LBH: variants seen among roughly 807,000 people sequenced by gnomAD.
LBH encodes the protein LBH regulator of Wnt signaling pathway, also known as protein LBH.
A neutral mutation model predicts 12.5 loss-of-function variants in LBH; 7 were observed. The observed-to-expected ratio is 0.56, with a 90% CI of 0.32 to 1.05. LBH has a LOEUF of 1.05. Ranked by LOEUF, LBH falls within the 50% of genes least tolerant of loss-of-function variation. LBH has a pLI of 0.04. For missense variants in LBH, 119 were observed against 138.9 expected (o/e 0.86, Z 0.72); for synonymous variants, 51 against 50.1 (o/e 1.02, Z -0.08).
chr2:30,242,047 T>A (rs1476374610), intron 2 of LBH, among the ~76,000 whole-genome samples: 1 of 152,174 alleles, frequency 6.6e-6, no homozygotes, highest in African/African-American at 2.4e-5. Flanking sequence ...ATTGTTGAAA[T>A]TTTTAGGTTA....
At chr2:30,250,254 T>C (rs1677955618) in intron 2 of LBH, among the ~76,000 whole-genome samples, 2 of 152,028 alleles carry the variant, frequency 1.3e-5, no homozygotes, top group Admixed American at 1.3e-4. Context: ...TGGTTATGTA[T>C]CTCAGGCTCG....
chr2:30,257,803 T>TTTTTTG lies in LBH; in HGVS notation c.*182_*183insTTTTTG. ...TTCTTTTCTTGCCTTTTTTTTTTTT[T>TTTTTTG]GAAATTTGCCGAGCAGTGGAGCCCT... On this transcript the variant is annotated 3_prime_UTR_variant, in exon 3 of 3. Coordinates refer to ENST00000395323, the MANE Select transcript of LBH (RefSeq NM_030915.4). 2.0e-6 allele frequency: 1 copy of TTTTTTG among 506,578 alleles called. No homozygotes were observed. Among genetic ancestry groups the TTTTTTG allele is most frequent in the Non-Finnish European group, 3.4e-6 (1 of 294,082 alleles). The allele number at this position is 506,578 out of a possible 1,614,324, so 31.4% of individuals were successfully genotyped here. A position where few individuals can be genotyped will look rare whatever the true frequency, so the allele number is the denominator to read the frequency against.
chr2:30,234,569 G>T, intron 2 of LBH, 62 bp downstream of exon 2: 1 of 1,285,938 alleles, frequency 7.8e-7, no homozygotes, highest in Non-Finnish European at 1.1e-6. Context: ...TGGGGGTGAG[G>T]ACAGACTTGG....
rs1024739582 is a variant in LBH, at chr2:30,258,543, G to C, written c.*922G>C. 1 of 153,066 alleles carries C rather than the reference G, an allele frequency of 6.5e-6. No individual in the cohort carries two copies. The highest frequency in any genetic ancestry group is 1.5e-5 in the Non-Finnish European group (1 of 68,774). 9.5% of individuals were successfully genotyped at this position (153,066 alleles called of 1,614,324 possible). Reference sequence around the variant, plus strand: ...GACTTGCTCCCGAGATGGAGTGGGCGTGGTCTTCCAGGCTGGCCCTTCCTT... The same window carrying C: ...GACTTGCTCCCGAGATGGAGTGGGCCTGGTCTTCCAGGCTGGCCCTTCCTT... On this transcript the variant is annotated 3_prime_UTR_variant, in exon 3 of 3. Coordinates refer to ENST00000395323, the MANE Select transcript of LBH (RefSeq NM_030915.4).
In LBH at chr2:30,234,439, G is replaced by T. The variant is rs566067950; in HGVS notation, c.61G>T (p.Val21Leu). 15 of 1,614,164 alleles carry T rather than the reference G, an allele frequency of 9.3e-6. No individual in the cohort carries two copies. The South Asian group carries it at 1.6e-4, about 18-fold the overall frequency. ...TCTGAGATCGGCCAAGATGACTGAG[G>T]TGATGATGAACACCCAGCCCATGGA... ...DYLRSAKMTEVMMNTQPMEEI... is the reference protein window; with the variant it reads ...DYLRSAKMTELMMNTQPMEEI... The change falls in exon 2 of 3, where the codon GTG (valine) becomes TTG (leucine). Residue 21 changes from valine (V) to leucine (L), a missense_variant. By Grantham distance (32) the Val-to-Leu change is conservative. Transcript: ENST00000395323.
chr2:30,257,684 A>G lies in LBH; in HGVS notation c.*63A>G, dbSNP rs1162453437. 3.9e-6 allele frequency: 5 copies of G among 1,283,226 alleles called. No homozygotes were observed. The highest frequency in any genetic ancestry group is 5.3e-6 in the Non-Finnish European group (5 of 940,672). 79.5% of individuals were successfully genotyped at this position (1,283,226 alleles called of 1,614,324 possible). ...TCTGTTCCTGAACTGTGTTTTTCCCATCATGACGGAAGAAGAGAGTGAGCC... is the reference window on the plus strand; with the variant it reads ...TCTGTTCCTGAACTGTGTTTTTCCCGTCATGACGGAAGAAGAGAGTGAGCC... On this transcript the variant is annotated 3_prime_UTR_variant, in exon 3 of 3. Coordinates refer to ENST00000395323, the MANE Select transcript of LBH (RefSeq NM_030915.4).
At position 30,245,449 on chromosome 2, in the gene LBH, A is replaced by G. The variant is rs569406698; in HGVS notation, c.129+10942A>G. On this transcript the variant is annotated intron_variant, in intron 2 of 2. Transcript: ENST00000395323. ...AAGTTCGGAAACCATGGATACGTACACTTTCTTCAGAATCAAAGCGATGGC... is the reference window on the plus strand; with the variant it reads ...AAGTTCGGAAACCATGGATACGTACGCTTTCTTCAGAATCAAAGCGATGGC... Among the ~76,000 whole-genome samples the G allele has an allele frequency of 2.6e-5, 4 of 152,360 alleles. No homozygotes were observed. In the South Asian group the frequency reaches 8.3e-4, roughly 32 times the overall value.
intron 2 of LBH, among the ~76,000 whole-genome samples, chr2:30,238,312 A>T (rs541845682): frequency 6.6e-6 from 1 of 152,312 alleles, no homozygotes; most frequent in South Asian, 2.1e-4. Flanking sequence ...CCAGATACAG[A>T]TGTGGCTCCT....
At chr2:30,257,112 A>T (rs1678099041) in intron 2 of LBH, among the ~76,000 whole-genome samples, 1 of 152,244 alleles carries the variant, frequency 6.6e-6, no homozygotes, top group African/African-American at 2.4e-5. Flanking sequence ...ACTGTGGATA[A>T]CATGATTTGG....
intron 2 of LBH, among the ~76,000 whole-genome samples, chr2:30,238,348 A>T (rs930769332): frequency 7.2e-5 from 11 of 152,196 alleles, no homozygotes; most frequent in African/African-American, 2.7e-4. Context: ...ACTTCCTTCT[A>T]AAGCACCTGG....
chr2:30,234,349 GTT>G (rs1677643486), intron 1 of LBH, 54 bp from the exon 2 acceptor site: 10 of 1,329,770 alleles, frequency 7.5e-6, no homozygotes, highest in Middle Eastern at 1.8e-4. Context: ...TGCATGAAGA[GTT>G]AGGAATGTGA....
At chr2:30,237,583 T>G (rs1677711445) in intron 2 of LBH, among the ~76,000 whole-genome samples, 1 of 152,216 alleles carries the variant, frequency 6.6e-6, no homozygotes, top group African/African-American at 2.4e-5. Context: ...TTGAGTCTCC[T>G]GATTCTAAAG....
At chr2:30,250,663 G>T (rs1433813739) in intron 2 of LBH, among the ~76,000 whole-genome samples, 3 of 151,946 alleles carry the variant, frequency 2.0e-5, no homozygotes, top group Non-Finnish European at 4.4e-5. Context: ...CCCTAAATTT[G>T]GGGCCTTTGA....
intron 2 of LBH, among the ~76,000 whole-genome samples, chr2:30,242,835 A>G (rs1677812966): frequency 6.6e-6 from 1 of 152,228 alleles, no homozygotes; most frequent in South Asian, 2.1e-4. Context: ...TCTTACAAAG[A>G]ACACTATTCT....
intron 2 of LBH, among the ~76,000 whole-genome samples, chr2:30,253,731 T>G (rs1370511473): frequency 1.3e-5 from 2 of 152,192 alleles, no homozygotes; most frequent in African/African-American, 4.8e-5. Context: ...TTGAAACTGC[T>G]CCAAAGAGGA....
At chr2:30,255,291 G>A (rs1396755437) in intron 2 of LBH, among the ~76,000 whole-genome samples, 2 of 142,932 alleles carry the variant, frequency 1.4e-5, no homozygotes, top group African/African-American at 4.9e-5. Context: ...AAGCCCACGT[G>A]GCGCTCCTCG....
chr2:30,235,417 G>C (rs558828410), intron 2 of LBH, among the ~76,000 whole-genome samples: 1 of 152,270 alleles, frequency 6.6e-6, no homozygotes, highest in South Asian at 2.1e-4. Flanking sequence ...ATGGGTCCGT[G>C]CTACAGACAT....
At chr2:30,251,118 A>T (rs1290405517) in intron 2 of LBH, among the ~76,000 whole-genome samples, 1 of 145,568 alleles carries the variant, frequency 6.9e-6, no homozygotes. Context: ...GCAATGGCAC[A>T]ATCTCTGCTC....
intron 2 of LBH, among the ~76,000 whole-genome samples, chr2:30,250,848 C>A (rs1428444100): frequency 6.6e-6 from 1 of 152,010 alleles, no homozygotes; most frequent in East Asian, 1.9e-4. Context: ...CAAACAAACG[C>A]CCTGGGATTC....
Sources: allele counts gnomAD v4.1 joint callset (sites outside exome capture counted in the v4.1 genomes callset), GRCh38; gene constraint gnomAD v4.1.1; transcripts MANE v1.5; gene names NCBI Gene and HGNC (gene_info 2026-07-23, HGNC 2026-07-21).